Variants in WASHC5 observed in about 807,000 individuals in gnomAD.
WASHC5 encodes the protein WASH complex subunit strumpellin.
WASHC5 carries 101 observed loss-of-function variants against 150.4 expected under a neutral mutation model. That is an observed-to-expected ratio of 0.67 (90% confidence interval 0.57 to 0.79). WASHC5 has a LOEUF of 0.79. Ranked by LOEUF, WASHC5 falls within the 30% of genes least tolerant of loss-of-function variation. WASHC5 has a pLI of 0.00. For synonymous variants in WASHC5, 467 were observed against 491.2 expected (o/e 0.95, Z 0.65); for missense variants, 1,195 against 1,396.3 (o/e 0.86, Z 2.30).
At chr8:125,080,396 C>T (rs1377509517) in intron 5 of WASHC5, among the ~76,000 whole-genome samples, 1 of 152,140 alleles carries the variant, frequency 6.6e-6, no homozygotes, top group African/African-American at 2.4e-5. Context: ...GTCAAACTGA[C>T]ATGAATGAAC....
In WASHC5 at chr8:125,063,666, G is replaced by C; in HGVS notation, c.1279-15C>G. 10 of 1,612,326 alleles carry C rather than the reference G, an allele frequency of 6.2e-6. No individual in the cohort carries two copies. Among genetic ancestry groups the C allele is most frequent in the Middle Eastern group, 3.3e-4 (2 of 6,050 alleles). On this transcript the variant is annotated splice_polypyrimidine_tract_variant and intron_variant, in intron 10 of 28. Coordinates refer to ENST00000318410, the MANE Select transcript of WASHC5 (RefSeq NM_014846.4). The stretch of plus-strand genomic sequence containing the variant: ...TGCTTGAACATCTGTTGAAGCAACA[G>C]AAAATATTTATTTACTTAAGAGAAA...
At chr8:125,077,865 G>A (rs1817111101) in intron 6 of WASHC5, among the ~76,000 whole-genome samples, 1 of 152,004 alleles carries the variant, frequency 6.6e-6, no homozygotes. Context: ...TGGAGACCTG[G>A]CATCTGTGGG....
rs1164371151 is a variant in WASHC5, at chr8:125,049,042, G to A, written c.2343C>T (p.Asn781=). The A allele has an allele frequency of 1.1e-5, 18 of 1,613,328 alleles. No individual in the cohort carries two copies. The highest frequency in any genetic ancestry group is 1.1e-4 in the African/African-American group (8 of 74,858). ...GAAAGTTATTACACTCTTGCTCCAC[G>A]TTGTAATTTATGATACGAGATACTT... ...QEEVSRIINY[N]VEQECNNFLR... The change falls in exon 19 of 29, where the codon AAC becomes AAT. Residue 781 remains asparagine (N), a synonymous_variant. Transcript: ENST00000318410.
chr8:125,069,935 A>G (rs1337062597), intron 9 of WASHC5, among the ~76,000 whole-genome samples: 1 of 152,244 alleles, frequency 6.6e-6, no homozygotes, highest in Non-Finnish European at 1.5e-5. Flanking sequence ...TTAAGTACCC[A>G]GTTGTTGGAC....
rs533483896 is a variant in WASHC5 at position 125,081,710 on chromosome 8, T to A, written c.469A>T (p.Ile157Phe). 3 of 1,613,186 alleles carry A rather than the reference T, an allele frequency of 1.9e-6. No homozygotes were observed. Among genetic ancestry groups the A allele is most frequent in the Admixed American group, 3.3e-5 (2 of 60,008 alleles). ...GVMLLVIDQK[I>F]EGEVRERMLV... is the part of the protein sequence containing the mutation. ...ATCCTCTCTCTGACTTCTCCTTCAA[T>A]CTTTTGGTCAATGACCAGTAGCATA... The change falls in exon 5 of 29, where the codon ATT (isoleucine) becomes TTT (phenylalanine). Residue 157 changes from isoleucine to phenylalanine, a missense_variant. Transcript: ENST00000318410.
intron 26 of WASHC5, among the ~76,000 whole-genome samples, chr8:125,036,178 C>G (rs1394472375): frequency 1.6e-4 from 24 of 152,178 alleles, no homozygotes; most frequent in Admixed American, 1.6e-3. Context: ...TATATTGTTA[C>G]TTTTCCCATC....
At chr8:125,060,730 G>A (rs2130105538) in intron 12 of WASHC5, among the ~76,000 whole-genome samples, 1 of 151,852 alleles carries the variant, frequency 6.6e-6, no homozygotes, top group Admixed American at 6.6e-5. Context: ...TTTCCCCCAA[G>A]GCACACACTT....
rs763049319 is a variant in WASHC5, at chr8:125,081,769, G to A, written c.418-8C>T. 6.4e-7 allele frequency: 1 copy of A among 1,565,590 alleles called. No homozygotes were observed. Among genetic ancestry groups the A allele is most frequent in the Non-Finnish European group, 8.8e-7 (1 of 1,136,254 alleles). ...TAAGTACAGTGCTTCACACTAAGAA[G>A]AGAAGAGGACAAAAGCCAAAATCAC... On this transcript the variant is annotated splice_polypyrimidine_tract_variant and splice_region_variant and intron_variant, in intron 4 of 28. Transcript: ENST00000318410.
At chr8:125,073,522 A>C (rs1325302507) in intron 8 of WASHC5, among the ~76,000 whole-genome samples, 198 bp from the exon 9 acceptor site, 1 of 152,120 alleles carries the variant, frequency 6.6e-6, no homozygotes, top group Non-Finnish European at 1.5e-5. Context: ...TCAAACTTTA[A>C]CATTTTTATA....
rs111745961 is a variant in WASHC5, at chr8:125,050,385, T to G, written c.2199+179A>C. On this transcript the variant is annotated intron_variant, in intron 18 of 28. Coordinates refer to ENST00000318410, the MANE Select transcript of WASHC5 (RefSeq NM_014846.4). ...AAATTTCATATTTATACTATAAATT[T>G]ATAATATGAATGGATTATAAGATCA... Among the ~76,000 whole-genome samples the G allele has an allele frequency of 4.1e-3, 628 of 152,320 alleles. 8 individuals carry two copies. The highest frequency in any genetic ancestry group is 0.013 in the African/African-American group (557 of 41,580).
chr8:125,083,875 G>T lies in WASHC5; in HGVS notation c.24C>A (p.Asn8Lys). Residue 8 changes from asparagine (N) to lysine (K), a missense_variant, in exon 2 of 29, where the codon AAC becomes AAA. Physicochemically the swap from Asn to Lys is moderately conservative, Grantham distance 94. Coordinates refer to ENST00000318410, the MANE Select transcript of WASHC5 (RefSeq NM_014846.4). MLDFLAENNLCGQAILRI... is the reference protein window; with the variant it reads MLDFLAEKNLCGQAILRI... ...TTAGGATTGCTTGGCCACAGAGGTT[G>T]TTCTCGGCTAGAAAGTCCAACATTG... 1 of 1,613,970 alleles carries T rather than the reference G, an allele frequency of 6.2e-7. No homozygotes were observed.
rs568451204 is a variant in WASHC5 at position 125,058,507 on chromosome 8, G to A, written c.1764+715C>T. Among the ~76,000 whole-genome samples, 57 of 152,296 alleles carry A rather than the reference G, an allele frequency of 3.7e-4. 1 individual carries two copies. In the South Asian group the frequency reaches 9.5e-3, roughly 25 times the overall value. ...CACACCTGTAATCCCAGCACTTTGG[G>A]AGGCCAAGGCAGGAGGAACATTTGA... On this transcript the variant is annotated intron_variant, in intron 14 of 28. Transcript: ENST00000318410.
At chr8:125,032,195 G>T (rs17398660) in intron 27 of WASHC5, 46 bp downstream of exon 27, 1 of 1,606,816 alleles carries the variant, frequency 6.2e-7, no homozygotes, top group Admixed American at 1.7e-5. Flanking sequence ...TTTAAGTTAG[G>T]TTTTGTGACA....
chr8:125,033,059 G>A (rs897312344), intron 26 of WASHC5, among the ~76,000 whole-genome samples: 1 of 151,484 alleles, frequency 6.6e-6, no homozygotes, highest in African/African-American at 2.4e-5. Context: ...GTGTACCACT[G>A]CACCTGGCTC....
intron 6 of WASHC5, 53 bp from the exon 7 acceptor site, chr8:125,076,553 G>C (rs1292241133): frequency 1.9e-6 from 3 of 1,600,486 alleles, no homozygotes; most frequent in Non-Finnish European, 2.6e-6. Context: ...TTTGCACGTA[G>C]ACATGCTCAA....
intron 19 of WASHC5, among the ~76,000 whole-genome samples, chr8:125,048,078 A>G (rs759821811): frequency 9.9e-5 from 15 of 152,234 alleles, no homozygotes; most frequent in East Asian, 1.9e-4. Context: ...AATACCACAT[A>G]TAACATTTAT....
chr8:125,040,055 C>T (rs557382805), intron 23 of WASHC5, among the ~76,000 whole-genome samples, 157 bp from the exon 24 acceptor site: 1 of 152,126 alleles, frequency 6.6e-6, no homozygotes, highest in Non-Finnish European at 1.5e-5. Context: ...TGGCTAAGAC[C>T]AGCACTGGAT....
chr8:125,044,155 C>T, intron 21 of WASHC5, 61 bp from the exon 22 acceptor site: 1 of 1,115,260 alleles, frequency 9.0e-7, no homozygotes, highest in Admixed American at 1.8e-5. Context: ...GCAAATTCTC[C>T]AGTTACCTAA....
At position 125,079,116 on chromosome 8, in the gene WASHC5, G is replaced by GTATATATATATATATATA. The variant is rs57043871; in HGVS notation, c.519-204_519-187dup. 7.0e-3 allele frequency among the ~76,000 whole-genome samples: 682 copies of GTATATATATATATATATA among 97,792 alleles called. 18 individuals carry two copies. The highest frequency in any genetic ancestry group is 8.1e-3 in the Non-Finnish European group (438 of 54,386). 64.2% of individuals were successfully genotyped at this position (97,792 alleles called of 152,430 possible). The stretch of plus-strand genomic sequence containing the variant: ...TGTGTATATATATGTGTGTGTGTGT[G>GTATATATATATATATATA]TATATATATATATATATATATATAC... On this transcript the variant is annotated intron_variant, in intron 5 of 28. Coordinates refer to ENST00000318410, the MANE Select transcript of WASHC5 (RefSeq NM_014846.4).
Sources: gnomAD v4.1 joint callset for allele counts (sites outside exome capture counted in the v4.1 genomes callset) on GRCh38, gnomAD v4.1.1 for gene constraint, MANE v1.5 for transcripts, NCBI Gene and HGNC (gene_info 2026-07-23, HGNC 2026-07-21) for gene names.